The following MOSPD2 variants were observed in gnomAD, a reference collection of about 807,000 sequenced individuals.
MOSPD2 encodes the protein motile sperm domain-containing protein 2.
Under a neutral mutation model 41.7 loss-of-function variants are expected in MOSPD2, and 5 were observed. The ratio of observed to expected loss-of-function variants is 0.12; its 90% confidence interval spans 0.06 to 0.25. The LOEUF (loss-of-function observed/expected upper bound fraction) is 0.25. Ranked by LOEUF, MOSPD2 falls within the 10% of genes least tolerant of loss-of-function variation. The pLI is 1.00. For missense variants in MOSPD2, 282 were observed against 375.2 expected (o/e 0.75, Z 2.05); for synonymous variants, 115 against 126.9 (o/e 0.91, Z 0.63).
chrX:14,878,660 GT>G (rs1199840449), intron 2 of MOSPD2, among the ~76,000 whole-genome samples: 4 of 111,014 alleles, frequency 3.6e-5, no homozygotes, highest in African/African-American at 1.3e-4. Context: ...TGACTTTCTA[GT>G]CTTTTAATTT....
At chrX:14,878,193 G>A (rs2092524805) in intron 2 of MOSPD2, among the ~76,000 whole-genome samples, 1 of 111,365 alleles carries the variant, frequency 9.0e-6, no homozygotes, top group African/African-American at 3.3e-5. Context: ...ACAGTTTTTT[G>A]TGCAGTAGTT....
intron 2 of MOSPD2, 150 bp downstream of exon 2, chrX:14,873,908 C>T (rs2092513455): frequency 9.7e-6 from 5 of 516,360 alleles, no homozygotes; most frequent in Non-Finnish European, 1.7e-5. Context: ...GTTTTCCTCT[C>T]CATGACAAGC....
Position 14,881,903 on chromosome X carries a change from A to G in MOSPD2, c.79+8145A>G, listed in dbSNP as rs747270222. ...TGGAAACCATCATTCTGAGCAAACT[A>G]TGGCAAGGACAGAAAACCAAACACC... On this transcript the variant is annotated intron_variant, in intron 2 of 14. Coordinates refer to ENST00000380492, the MANE Select transcript of MOSPD2 (RefSeq NM_152581.4). 6.3e-5 allele frequency among the ~76,000 whole-genome samples: 7 copies of G among 110,781 alleles called. No individual in the cohort carries two copies. In the South Asian group the frequency reaches 2.3e-3, roughly 37 times the overall value.
At chrX:14,907,221 G>A (rs1422426420) in intron 7 of MOSPD2, among the ~76,000 whole-genome samples, 2 of 111,955 alleles carry the variant, frequency 1.8e-5, no homozygotes, top group African/African-American at 6.5e-5. Flanking sequence ...ATAATAACAG[G>A]TATTGGCAAG....
At chrX:14,915,834 C>G (rs2092599413) in intron 12 of MOSPD2, 70 bp downstream of exon 12, 1 of 895,830 alleles carries the variant, frequency 1.1e-6, no homozygotes, top group Admixed American at 2.4e-5. Flanking sequence ...GACCTTGGCT[C>G]TGAGTCAGCA....
rs966009045 is a variant in MOSPD2, at chrX:14,914,604, A to G, written c.1089+5A>G. The G allele has an allele frequency of 2.9e-5, 28 of 955,012 alleles. No homozygotes were observed. Among genetic ancestry groups the G allele is most frequent in the Non-Finnish European group, 4.1e-5 (28 of 675,411 alleles). The allele number at this position is 955,012 out of a possible 1,213,427, so 78.7% of individuals were successfully genotyped here. A position where few individuals can be genotyped will look rare whatever the true frequency, so the allele number is the denominator to read the frequency against. ...AAAAATATAGTGGCATTTAAGGTAA[A>G]TATCTTAAAGATACAATAAATTATG... On this transcript the variant is annotated splice_donor_5th_base_variant and intron_variant, in intron 11 of 14. Coordinates refer to ENST00000380492, the MANE Select transcript of MOSPD2 (RefSeq NM_152581.4).
chrX:14,914,297 G>A (rs111518434), intron 10 of MOSPD2, among the ~76,000 whole-genome samples: 57 of 111,848 alleles, frequency 5.1e-4, no homozygotes, highest in African/African-American at 1.8e-3. Flanking sequence ...GGGGAAAACC[G>A]TAGGACTTTT....
rs2092609530 is a variant in MOSPD2 at position 14,921,474 on chromosome X, G to A, written c.*1665G>A. 2 of 886,266 alleles carry A rather than the reference G, an allele frequency of 2.3e-6. No individual in the cohort carries two copies. The highest frequency in any genetic ancestry group is 1.2e-4 in the Admixed American group (2 of 17,149). The allele number at this position is 886,266 out of a possible 1,213,427, so 73.0% of individuals were successfully genotyped here. Reference sequence around the variant, plus strand: ...TGTGCACAGTGGCTTCCCCTTACATGGTAGATTTTTGGCCTTAATATAATC... The same window carrying A: ...TGTGCACAGTGGCTTCCCCTTACATAGTAGATTTTTGGCCTTAATATAATC... On this transcript the variant is annotated 3_prime_UTR_variant, in exon 15 of 15. Coordinates refer to ENST00000380492, the MANE Select transcript of MOSPD2 (RefSeq NM_152581.4).
chrX:14,913,752 A>G (rs1216508137), intron 10 of MOSPD2, among the ~76,000 whole-genome samples: 1 of 112,235 alleles, frequency 8.9e-6, no homozygotes, highest in Admixed American at 9.5e-5. Context: ...ACTTTAGTTA[A>G]ATTATTCACC....
chrX:14,881,147 T>G (rs1235081393), intron 2 of MOSPD2, among the ~76,000 whole-genome samples: 1 of 111,574 alleles, frequency 9.0e-6, no homozygotes, highest in Non-Finnish European at 1.9e-5. Context: ...GTCATTATTG[T>G]TTCATCTAAA....
intron 2 of MOSPD2, among the ~76,000 whole-genome samples, chrX:14,884,325 A>G (rs1165495725): frequency 8.9e-6 from 1 of 111,985 alleles, no homozygotes; most frequent in Non-Finnish European, 1.9e-5. Context: ...ACAAATAATA[A>G]TAAGAGTAGA....
chrX:14,907,388 A>G (rs181573839), intron 7 of MOSPD2, among the ~76,000 whole-genome samples: 38 of 112,338 alleles, frequency 3.4e-4, no homozygotes, highest in African/African-American at 1.0e-3. Flanking sequence ...ACGTATGTCT[A>G]CAGAAAAACT....
In MOSPD2 at chrX:14,918,762, A is replaced by T; in HGVS notation, c.1399A>T (p.Ser467Cys). 8.5e-7 allele frequency: 1 copy of T among 1,174,670 alleles called. No homozygotes were observed. The highest frequency in any genetic ancestry group is 2.4e-4 in the Middle Eastern group (1 of 4,248). ...TGCTTTCAATATGTCAGATAAAACC[A>T]GTGAAGATATATGTCTACAAGTAAG... ...DNAFNMSDKTSEDICLQLSRL... is the reference protein window; with the variant it reads ...DNAFNMSDKTCEDICLQLSRL... Residue 467 changes from serine (S) to cysteine (C), a missense_variant, in exon 14 of 15, where the codon AGT becomes TGT. Ser to Cys is a moderately radical substitution (Grantham distance 112, BLOSUM62 -1). Transcript: ENST00000380492.
intron 1 of MOSPD2, 61 bp from the exon 2 acceptor site, chrX:14,873,628 G>C: frequency 1.7e-6 from 2 of 1,202,034 alleles, no homozygotes; most frequent in Non-Finnish European, 2.3e-6. Context: ...AGGTGGGCTG[G>C]GTTGAGGGTA....
chrX:14,904,498 C>T (rs1169028403), intron 7 of MOSPD2, among the ~76,000 whole-genome samples: 1 of 111,619 alleles, frequency 9.0e-6, no homozygotes, highest in Non-Finnish European at 1.9e-5. Context: ...CCACAGTAGT[C>T]CACACAAGAC....
intron 2 of MOSPD2, 121 bp from the exon 3 acceptor site, chrX:14,892,602 T>C (rs2092555954): frequency 1.9e-6 from 1 of 526,864 alleles, no homozygotes; most frequent in African/African-American, 2.3e-5. Flanking sequence ...ACTACATCCC[T>C]GAGTCTATCC....
chrX:14,882,332 G>T (rs190139705), intron 2 of MOSPD2, among the ~76,000 whole-genome samples: 1 of 111,018 alleles, frequency 9.0e-6, no homozygotes, highest in Non-Finnish European at 1.9e-5. Context: ...GTTACCAGGG[G>T]CTGGAGGGGT....
rs747160054 is a variant in MOSPD2, at chrX:14,911,413, G to A, written c.879G>A (p.Lys293=). The part of the protein sequence containing the change: ...SNEEQTPLLK[K]INPTESTSKA... The stretch of plus-strand genomic sequence containing the variant: ...AAGAACAAACACCTCTTCTTAAAAA[G>A]GTAACTTTATAAATAAAATGAAACT... The change falls in exon 9 of 15, where the codon AAG becomes AAA. Residue 293 remains lysine (K), a splice_region_variant and synonymous_variant. Coordinates refer to ENST00000380492, the MANE Select transcript of MOSPD2 (RefSeq NM_152581.4). 1.7e-6 allele frequency: 2 copies of A among 1,155,778 alleles called. No homozygotes were observed. The highest frequency in any genetic ancestry group is 6.1e-5 in the East Asian group (2 of 33,029).
rs756391385 is a variant in MOSPD2 at position 14,920,770 on chromosome X, GAGATGCTAAGC to G, written c.*964_*974del. 2.8e-5 allele frequency: 21 copies of G among 751,143 alleles called. No homozygotes were observed. In the African/African-American group the frequency reaches 4.6e-4, roughly 17 times the overall value. 61.9% of individuals were successfully genotyped at this position (751,143 alleles called of 1,213,427 possible). ...AATTTTTTTGAAAGGTTAGTTGTTT[GAGATGCTAAGC>G]AGGATAATAAATTTAGATTTTAAAA... On this transcript the variant is annotated 3_prime_UTR_variant, in exon 15 of 15. Transcript: ENST00000380492.
Sources: gnomAD v4.1 joint callset for allele counts (sites outside exome capture counted in the v4.1 genomes callset) on GRCh38, gnomAD v4.1.1 for gene constraint, MANE v1.5 for transcripts, NCBI Gene and HGNC (gene_info 2026-07-23, HGNC 2026-07-21) for gene names.